Variants in BLTP3A observed in about 807,000 individuals in gnomAD.
BLTP3A encodes the protein ICBP90 binding protein 1.
chr6:34,854,480 A>T, the BLTP3A span, among the ~76,000 whole-genome samples: 5 of 152,348 alleles, frequency 3.3e-5, no homozygotes, highest in East Asian at 5.8e-4. Context: ...TAACCCAGTA[A>T]TGAATAAAAA....
the BLTP3A span, among the ~76,000 whole-genome samples, chr6:34,816,956 T>G: frequency 6.6e-6 from 1 of 152,222 alleles, no homozygotes; most frequent in South Asian, 2.1e-4. Flanking sequence ...GAGGAAGGGT[T>G]GCTAGGACAG....
At chr6:34,839,424 C>T in the BLTP3A span, among the ~76,000 whole-genome samples, 1 of 152,118 alleles carries the variant, frequency 6.6e-6, no homozygotes, top group Admixed American at 6.5e-5. Flanking sequence ...TTGTTCTGTC[C>T]AATATAGTAG....
chr6:34,874,213 G>A, the BLTP3A span: 1 of 152,204 alleles, frequency 6.6e-6, no homozygotes, highest in Non-Finnish European at 1.5e-5. Context: ...GGCAGTGAAA[G>A]GTAATCTAGA....
At chr6:34,811,139 C>T in the BLTP3A span, among the ~76,000 whole-genome samples, 31 of 152,222 alleles carry the variant, frequency 2.0e-4, no homozygotes, top group Middle Eastern at 3.4e-3. Context: ...TGCAAATAAA[C>T]ATTCAATGTG....
At chr6:34,798,594 C>CTTTTTTTTTT in the BLTP3A span, among the ~76,000 whole-genome samples, 436 of 94,346 alleles carry the variant, frequency 4.6e-3, 8 homozygotes, top group African/African-American at 0.015. Context: ...TTCTTTCTTT[C>CTTTTTTTTTT]TTTTTTTTTT....
At chr6:34,809,906 CAA>C in the BLTP3A span, among the ~76,000 whole-genome samples, 1 of 152,132 alleles carries the variant, frequency 6.6e-6, no homozygotes, top group Non-Finnish European at 1.5e-5. Context: ...TCACTGATAA[CAA>C]ACAGTTGATT....
At chr6:34,867,620 A>C in the BLTP3A span, 1 of 1,611,534 alleles carries the variant, frequency 6.2e-7, no homozygotes, top group South Asian at 1.1e-5. Context: ...TGCCCAGGTA[A>C]GGATGGTAGT....
the BLTP3A span, among the ~76,000 whole-genome samples, chr6:34,826,026 ATTTTTTTTTT>A: frequency 2.6e-5 from 2 of 76,648 alleles, no homozygotes; most frequent in African/African-American, 7.4e-5. Context: ...TACATTTTGC[ATTTTTTTTTT>A]TTTTTTTTTT....
the BLTP3A span, among the ~76,000 whole-genome samples, chr6:34,851,849 C>T: frequency 6.6e-6 from 1 of 152,160 alleles, no homozygotes; most frequent in Non-Finnish European, 1.5e-5. Context: ...AAGTCCTTCC[C>T]ACTCTTTCCC....
chr6:34,867,220 T>C, the BLTP3A span: 1 of 1,602,242 alleles, frequency 6.2e-7, no homozygotes, highest in Non-Finnish European at 8.5e-7. Context: ...CTCTTTTTCA[T>C]GCAGAGTCTG....
At chr6:34,871,648 AT>A in the BLTP3A span, 1 of 1,613,982 alleles carries the variant, frequency 6.2e-7, no homozygotes, top group African/African-American at 1.3e-5. Flanking sequence ...GCCATGGAAC[AT>A]GTTGTGCTGA....
At chr6:34,842,376 C>T in the BLTP3A span, among the ~76,000 whole-genome samples, 11 of 152,188 alleles carry the variant, frequency 7.2e-5, no homozygotes, top group Non-Finnish European at 1.6e-4. Context: ...AATCTAATTT[C>T]AGAACATTTT....
At chr6:34,830,261 T>C in the BLTP3A span, among the ~76,000 whole-genome samples, 1 of 151,900 alleles carries the variant, frequency 6.6e-6, no homozygotes, top group Non-Finnish European at 1.5e-5. Context: ...ATGATGACTT[T>C]GGTGGTCAAT....
the BLTP3A span, among the ~76,000 whole-genome samples, chr6:34,820,199 A>C: frequency 0.44 from 66,578 of 151,810 alleles, 16,394 homozygotes; most frequent in African/African-American, 0.67. Flanking sequence ...TCCTGAGATA[A>C]TAGGTCTCTG....
the BLTP3A span, among the ~76,000 whole-genome samples, chr6:34,808,803 C>A: frequency 6.6e-6 from 1 of 152,090 alleles, no homozygotes; most frequent in East Asian, 1.9e-4. Flanking sequence ...TGGTCTCAAA[C>A]TCCTGGACTC....
the BLTP3A span, among the ~76,000 whole-genome samples, chr6:34,862,302 G>C: frequency 6.6e-6 from 1 of 152,020 alleles, no homozygotes; most frequent in Admixed American, 6.6e-5. Flanking sequence ...CTTGAACCTG[G>C]GAGGCGGAGC....
chr6:34,871,127 C>T, the BLTP3A span: 1 of 1,603,578 alleles, frequency 6.2e-7, no homozygotes, highest in South Asian at 1.1e-5. Flanking sequence ...GTGTGAGGAA[C>T]CTTTGGTTTT....
chr6:34,852,070 A>T, the BLTP3A span, among the ~76,000 whole-genome samples: 1 of 151,628 alleles, frequency 6.6e-6, no homozygotes, highest in Admixed American at 6.6e-5. Context: ...TCTAGGAGCT[A>T]AAGCCTGGAA....
chr6:34,855,933 C>T, the BLTP3A span: 3 of 983,260 alleles, frequency 3.1e-6, no homozygotes, highest in African/African-American at 5.3e-5. Flanking sequence ...ATATCTAGTG[C>T]CTGAGATATT....
Sources: allele counts gnomAD v4.1 joint callset (sites outside exome capture counted in the v4.1 genomes callset), GRCh38; gene constraint gnomAD v4.1.1; transcripts MANE v1.5; gene names NCBI Gene and HGNC (gene_info 2026-07-23, HGNC 2026-07-21).